SZT2: variants seen among roughly 807,000 people sequenced by gnomAD.
SZT2 encodes the protein SZT2 subunit of KICSTOR complex.
In SZT2, 216 loss-of-function variants were observed where a neutral mutation model predicts 404.2. The observed-to-expected ratio is 0.53, with a 90% CI of 0.48 to 0.60. The LOEUF is 0.60. SZT2 is among the 20% of genes least tolerant of loss of function. The pLI is 0.00. For missense variants in SZT2, 3,857 were observed against 4,459.2 expected (o/e 0.86, Z 3.85); for synonymous variants, 1,693 against 1,749.9 (o/e 0.97, Z 0.81).
chr1:43,420,802 A>G lies in SZT2; in HGVS notation c.1315A>G (p.Ile439Val), dbSNP rs1652260898. The G allele has an allele frequency of 1.9e-6, 3 of 1,598,418 alleles. No individual in the cohort carries two copies. Among genetic ancestry groups the G allele is most frequent in the Middle Eastern group, 1.7e-4 (1 of 6,060 alleles). ...GCTGCTGTGGAAACACAACATGCGCATTGAGTATGTGGCTATGGCACCCTG... is the reference window on the plus strand; with the variant it reads ...GCTGCTGTGGAAACACAACATGCGCGTTGAGTATGTGGCTATGGCACCCTG... The part of the protein sequence containing the change: ...LVLLWKHNMR[I>V]EYVAMAPWPL... Residue 439 changes from isoleucine to valine, a missense_variant, in exon 10 of 72, where the codon ATT becomes GTT. Ile to Val is a conservative substitution (Grantham distance 29, BLOSUM62 3). Around this residue, in one of 7 missense-constraint regions of SZT2, gnomAD observed 536 missense variants for 637.4 expected, o/e 0.84. Transcript: ENST00000634258. The surrounding 1 kb of genome is among the most constrained non-coding windows in gnomAD (Gnocchi z 5.1).
chr1:43,426,141 G>C lies in SZT2; in HGVS notation c.3033G>C (p.Leu1011Phe). The C allele has an allele frequency of 6.2e-7, 1 of 1,614,134 alleles. No homozygotes were observed. The highest frequency in any genetic ancestry group is 1.3e-5 in the African/African-American group (1 of 75,028). The change falls in exon 21 of 72, where the codon TTG (leucine) becomes TTC (phenylalanine). Residue 1011 changes from leucine (L) to phenylalanine (F), a missense_variant. This residue lies in a region of SZT2 where 1,725 missense variants were observed against 1,881.0 expected (regional missense o/e 0.92). Coordinates refer to ENST00000634258, the MANE Select transcript of SZT2 (RefSeq NM_001365999.1). This position sits in a 1 kb window ranked among gnomAD's most constrained non-coding sequence, Gnocchi z 4.9. ...QCQQLQMFFLLLAREPEGVPF... is the reference protein window; with the variant it reads ...QCQQLQMFFLFLAREPEGVPF... The stretch of plus-strand genomic sequence containing the variant: ...AGCAGCTCCAGATGTTCTTCCTCTT[G>C]CTTGCCAGAGGTAGGTGAACCTGGT...
In SZT2 at chr1:43,420,410, G is replaced by A; in HGVS notation, c.1261+87G>A. 7.0e-7 allele frequency: 1 copy of A among 1,425,022 alleles called. No individual in the cohort carries two copies. The highest frequency in any genetic ancestry group is 9.3e-7 in the Non-Finnish European group (1 of 1,079,394). 88.3% of individuals were successfully genotyped at this position (1,425,022 alleles called of 1,614,324 possible). A position where few individuals can be genotyped will look rare whatever the true frequency, so the allele number is the denominator to read the frequency against. ...ACCCACATGTATCACACATGAAAGA[G>A]TGTCACATTGAAGTCCTTATCACTT... On this transcript the variant is annotated intron_variant, in intron 9 of 71. Coordinates refer to ENST00000634258, the MANE Select transcript of SZT2 (RefSeq NM_001365999.1). This position sits in a 1 kb window ranked among gnomAD's most constrained non-coding sequence, Gnocchi z 5.1.
intron 4 of SZT2, chr1:43,410,202 A>C (rs1055229791): frequency 1.3e-5 from 2 of 152,224 alleles, no homozygotes. Flanking sequence ...GGATATTCAT[A>C]TGCAGAAGAA....
rs146294336 is a variant in SZT2 at position 43,440,567 on chromosome 1, G to T, written c.7325G>T (p.Arg2442Leu). The T allele has an allele frequency of 1.8e-5, 29 of 1,602,168 alleles. No homozygotes were observed. Among genetic ancestry groups the T allele is most frequent in the Non-Finnish European group, 2.4e-5 (28 of 1,174,794 alleles). The change falls in exon 52 of 72, where the codon CGT (arginine) becomes CTT (leucine). Residue 2442 changes from arginine (R) to leucine (L), a missense_variant. By Grantham distance (102) the Arg-to-Leu change is moderately radical. This residue lies in a region of SZT2 where 573 missense variants were observed against 592.4 expected (regional missense o/e 0.97). Coordinates refer to ENST00000634258, the MANE Select transcript of SZT2 (RefSeq NM_001365999.1). ...ACTCCACCCAGCAAAGCGGGCCGGC[G>T]TAGCTTCTGGGATATGCTGGTAATG... ...PVTPPSKAGR[R>L]SFWDMLSKTE...
chr1:43,442,651 G>T lies in SZT2; in HGVS notation c.8151+33G>T. On this transcript the variant is annotated intron_variant, in intron 58 of 71. Transcript: ENST00000634258. The surrounding 1 kb of genome is among the most constrained non-coding windows in gnomAD (Gnocchi z 4.5). ...CTGCTCTGGTTCTTCCTATAGTTTT[G>T]GCTACTGAGGGGTCAGTTAAAGGAA... 6.4e-7 allele frequency: 1 copy of T among 1,562,122 alleles called. No homozygotes were observed. The highest frequency in any genetic ancestry group is 1.2e-5 in the South Asian group (1 of 84,010).
At position 43,424,658 on chromosome 1, in the gene SZT2, C is replaced by T. The variant is rs1042540343; in HGVS notation, c.2472-126C>T. On this transcript the variant is annotated intron_variant, in intron 16 of 71. Transcript: ENST00000634258. This position sits in a 1 kb window ranked among gnomAD's most constrained non-coding sequence, Gnocchi z 4.1. ...TACCCTGAGGGACCGCCAGTCTAAG[C>T]AGGGCCAGCAGCAGACTTGGCTCCT... The T allele has an allele frequency of 8.8e-6, 8 of 909,900 alleles. No homozygotes were observed. Among genetic ancestry groups the T allele is most frequent in the Non-Finnish European group, 1.4e-5 (8 of 586,778 alleles). The allele number at this position is 909,900 out of a possible 1,614,324, so 56.4% of individuals were successfully genotyped here. A position where few individuals can be genotyped will look rare whatever the true frequency, so the allele number is the denominator to read the frequency against.
chr1:43,390,146 T>G (rs1570514808), intron 1 of SZT2, 151 bp downstream of exon 1: 1 of 894,796 alleles, frequency 1.1e-6, no homozygotes, highest in Non-Finnish European at 1.5e-6. Context: ...CCGACTATGG[T>G]ACCCCTGCGG....
rs1328299251 is a variant in SZT2, at chr1:43,443,674, G to A, written c.8703G>A (p.Pro2901=). Residue 2901 remains proline (P), a synonymous_variant, in exon 62 of 72, where the codon CCG becomes CCA. Transcript: ENST00000634258. ...GTGAATCCTTGGATGTGTCGCCCCC[G>A]GGAGCCCGTGAGGAGCCTTGGCTGA... ...TSCESLDVSP[P]GAREEPWLKE... The A allele has an allele frequency of 6.2e-6, 10 of 1,614,104 alleles. No homozygotes were observed. The highest frequency in any genetic ancestry group is 3.3e-5 in the Admixed American group (2 of 60,014).
chr1:43,419,970 G>A (rs1652145760), intron 8 of SZT2, 26 bp downstream of exon 8: 2 of 1,597,106 alleles, frequency 1.3e-6, no homozygotes, highest in African/African-American at 1.3e-5. Flanking sequence ...AGGTGGGTGT[G>A]GGAAGGAGGG....
Position 43,422,180 on chromosome 1 carries a change from G to C in SZT2, c.1724G>C (p.Arg575Pro), listed in dbSNP as rs1184389564. Residue 575 changes from arginine to proline, a missense_variant, in exon 12 of 72, where the codon CGA becomes CCA. Physicochemically the swap from Arg to Pro is moderately radical, Grantham distance 103. Coordinates refer to ENST00000634258, the MANE Select transcript of SZT2 (RefSeq NM_001365999.1). ...VLSMDANSWQ[R>P]WLHMHRLVLI... is the part of the protein sequence containing the mutation. ...TCCATGGATGCAAATTCCTGGCAGC[G>C]ATGGCTGCACATGCATCGCCTGGTG... 3 of 1,596,354 alleles carry C rather than the reference G, an allele frequency of 1.9e-6. No homozygotes were observed. The highest frequency in any genetic ancestry group is 1.7e-6 in the Non-Finnish European group (2 of 1,178,588).
chr1:43,416,748 C>G, intron 7 of SZT2, 107 bp downstream of exon 7: 1 of 850,838 alleles, frequency 1.2e-6, no homozygotes, highest in South Asian at 1.6e-5. Context: ...AAGTCAATTA[C>G]TTAGTTACAT....
chr1:43,451,749 C>G lies in SZT2; in HGVS notation c.*1269C>G. On this transcript the variant is annotated 3_prime_UTR_variant, in exon 72 of 72. Transcript: ENST00000634258. ...AAGAGGATACTACATTCCGAGACCC[C>G]GCAGGCCCCGCCCTCCTTCCGATCT... The G allele has an allele frequency of 6.2e-7, 1 of 1,613,730 alleles. No homozygotes were observed. Among genetic ancestry groups the G allele is most frequent in the Non-Finnish European group, 8.5e-7 (1 of 1,179,718 alleles).
intron 1 of SZT2, among the ~76,000 whole-genome samples, chr1:43,402,260 A>C (rs1649774182): frequency 6.6e-6 from 1 of 152,254 alleles, no homozygotes; most frequent in African/African-American, 2.4e-5. Flanking sequence ...GTGACAGATA[A>C]GCATTAATCA....
Position 43,432,072 on chromosome 1 carries a change from T to C in SZT2, c.5274+171T>C, listed in dbSNP as rs146927328. ...CCCTGTGCTTGGCAGCCCAACTCAC[T>C]GGAAAGAAACCCAGCTCCCAACCTG... On this transcript the variant is annotated intron_variant, in intron 36 of 71. Transcript: ENST00000634258. 1.6e-3 allele frequency among the ~76,000 whole-genome samples: 246 copies of C among 152,304 alleles called. 1 individual carries two copies. The highest frequency in any genetic ancestry group is 5.7e-3 in the African/African-American group (239 of 41,570).
chr1:43,391,832 A>G (rs1471963772), intron 1 of SZT2, among the ~76,000 whole-genome samples: 1 of 120,330 alleles, frequency 8.3e-6, no homozygotes, highest in Non-Finnish European at 1.8e-5. Context: ...CTGTAATCCC[A>G]GCACTTTGGG....
At chr1:43,419,645 C>T in intron 7 of SZT2, 89 bp from the exon 8 acceptor site, 2 of 1,084,862 alleles carry the variant, frequency 1.8e-6, no homozygotes, top group Non-Finnish European at 1.3e-6. Context: ...GGAATGGGAG[C>T]AGCCACCTAG....
rs779135534 is a variant in SZT2 at position 43,453,366 on chromosome 1, G to A, written c.*2886G>A. On this transcript the variant is annotated 3_prime_UTR_variant, in exon 72 of 72. Coordinates refer to ENST00000634258, the MANE Select transcript of SZT2 (RefSeq NM_001365999.1). ...CAGGGTCATGGGTCACAGGGGTGGG[G>A]GTGGGGTGGAGCGGGGTACCTGGGA... 13 of 1,486,894 alleles carry A rather than the reference G, an allele frequency of 8.7e-6. No individual in the cohort carries two copies. The highest frequency in any genetic ancestry group is 1.2e-5 in the Non-Finnish European group (13 of 1,091,604). 92.1% of individuals were successfully genotyped at this position (1,486,894 alleles called of 1,614,324 possible).
Position 43,424,450 on chromosome 1 carries a change from G to A in SZT2, c.2471+18G>A. 1 of 1,595,452 alleles carries A rather than the reference G, an allele frequency of 6.3e-7. No individual in the cohort carries two copies. Among genetic ancestry groups the A allele is most frequent in the Non-Finnish European group, 8.5e-7 (1 of 1,178,220 alleles). On this transcript the variant is annotated intron_variant, in intron 16 of 71. Transcript: ENST00000634258. The surrounding 1 kb of genome is among the most constrained non-coding windows in gnomAD (Gnocchi z 4.1). ...CTCACTGAGTATGTCATCCAAGCCT[G>A]CCAGGTCACTCGGGGCAAGGAGAGA...
Position 43,420,713 on chromosome 1 carries a change from G to T in SZT2, c.1262-36G>T, listed in dbSNP as rs116153861. On this transcript the variant is annotated intron_variant, in intron 9 of 71. Coordinates refer to ENST00000634258, the MANE Select transcript of SZT2 (RefSeq NM_001365999.1). The surrounding 1 kb of genome is among the most constrained non-coding windows in gnomAD (Gnocchi z 5.1). ...CTCGATCCCAGGCCTAGAGTCCTAT[G>T]CCTTCTCCTAACTGGCCCTTCCGCT... The T allele has an allele frequency of 4.8e-4, 766 of 1,584,202 alleles. 4 individuals are homozygous for T. The African/African-American group carries it at 9.1e-3, about 19-fold the overall frequency.
Sources: allele counts gnomAD v4.1 joint callset (sites outside exome capture counted in the v4.1 genomes callset), GRCh38; gene constraint gnomAD v4.1.1; regional missense constraint gnomAD v4.1.1; non-coding constraint Gnocchi (gnomAD v3.1); transcripts MANE v1.5; gene names NCBI Gene and HGNC (gene_info 2026-07-23, HGNC 2026-07-21).